The following MAP1A variants were observed in gnomAD, a reference collection of about 807,000 sequenced individuals.
MAP1A encodes the protein microtubule-associated protein 1A.
Under a neutral mutation model 185.9 loss-of-function variants are expected in MAP1A, and 42 were observed. The observed-to-expected ratio is 0.23, with a 90% CI of 0.18 to 0.29. The LOEUF (loss-of-function observed/expected upper bound fraction) is 0.29. MAP1A is among the 10% of genes least tolerant of loss of function. MAP1A has a pLI of 1.00. For synonymous variants in MAP1A, 1,229 were observed against 1,335.9 expected (o/e 0.92, Z 1.74); for missense variants, 2,995 against 3,450.4 (o/e 0.87, Z 3.31).
At position 43,529,315 on chromosome 15, in the gene MAP1A, G is replaced by A. The variant is rs752371666; in HGVS notation, c.7842G>A (p.Lys2614=). The change falls in exon 4 of 6, where the codon AAG becomes AAA. Residue 2614 remains lysine (K), a synonymous_variant. Transcript: ENST00000300231. This position sits in a 1 kb window ranked among gnomAD's most constrained non-coding sequence, Gnocchi z 4.3. The part of the protein sequence containing the change: ...RVGRRAPGKA[K]PASPARRLDL... The stretch of plus-strand genomic sequence containing the variant: ...GGCGCAGGGCCCCAGGCAAGGCCAA[G>A]CCAGCGTCCCCTGCACGGCGTCTGG... 3.7e-6 allele frequency: 6 copies of A among 1,614,036 alleles called. No homozygotes were observed. In the South Asian group the frequency reaches 6.6e-5, roughly 18 times the overall value.
At chr15:43,519,513 C>G (rs574252204) in intron 1 of MAP1A, among the ~76,000 whole-genome samples, 1 of 152,344 alleles carries the variant, frequency 6.6e-6, no homozygotes, top group East Asian at 1.9e-4. Context: ...CCAGTATCCT[C>G]CAGACAGCCC....
chr15:43,514,801 A>G (rs1471589527), upstream of MAP1A, among the ~76,000 whole-genome samples: 1 of 152,232 alleles, frequency 6.6e-6, no homozygotes, highest in Non-Finnish European at 1.5e-5. Flanking sequence ...TTCTAATACA[A>G]ATTCAGAAAC....
At position 43,528,855 on chromosome 15, in the gene MAP1A, T is replaced by C. The variant is rs8028849; in HGVS notation, c.7382T>C (p.Ile2461Thr). Residue 2461 changes from isoleucine (I) to threonine (T), a missense_variant, in exon 4 of 6, where the codon ATA becomes ACA. This residue lies in a region of MAP1A where 2,728 missense variants were observed against 2,986.0 expected (regional missense o/e 0.91). Coordinates refer to ENST00000300231, the MANE Select transcript of MAP1A (RefSeq NM_002373.6). ...CTGAACCCACCTCTGCCCCCATCCA[T>C]AGATGATAGGGACCTCTCAACTGAG... The part of the protein sequence containing the change: ...SFLNPPLPPS[I>T]DDRDLSTEEV... 19 of 1,612,876 alleles carry C rather than the reference T, an allele frequency of 1.2e-5. No individual in the cohort carries two copies. In the East Asian group the frequency reaches 1.8e-4, roughly 15 times the overall value.
intron 1 of MAP1A, 28 bp from the exon 2 acceptor site, chr15:43,520,613 A>G (rs756318822): frequency 7.3e-7 from 1 of 1,368,174 alleles, no homozygotes; most frequent in South Asian, 1.2e-5. Flanking sequence ...ACCTATTCTC[A>G]ATATAAATTC....
chr15:43,515,361 C>T (rs1029588027), upstream of MAP1A, among the ~76,000 whole-genome samples: 6 of 152,300 alleles, frequency 3.9e-5, no homozygotes, highest in Admixed American at 3.9e-4. Context: ...CTCATTAACC[C>T]CTGGAACCGG....
At chr15:43,515,027 A>G (rs1258965846), upstream of MAP1A, among the ~76,000 whole-genome samples, 1 of 152,064 alleles carries the variant, frequency 6.6e-6, no homozygotes, top group Non-Finnish European at 1.5e-5. Flanking sequence ...ACCAGCCTGG[A>G]CAACATGTTG....
At position 43,521,440 on chromosome 15, in the gene MAP1A, C is replaced by T; in HGVS notation, c.-34C>T. Reference sequence around the variant, plus strand: ...TATCCAGTTCCCAAGAGACCCTGCACCTCCGGCTAAACCCTGAGCCCACTC... The same window carrying T: ...TATCCAGTTCCCAAGAGACCCTGCATCTCCGGCTAAACCCTGAGCCCACTC... On this transcript the variant is annotated 5_prime_UTR_variant, in exon 4 of 6. Coordinates refer to ENST00000300231, the MANE Select transcript of MAP1A (RefSeq NM_002373.6). This position sits in a 1 kb window ranked among gnomAD's most constrained non-coding sequence, Gnocchi z 4.6. 6.2e-7 allele frequency: 1 copy of T among 1,614,130 alleles called. No individual in the cohort carries two copies. The highest frequency in any genetic ancestry group is 8.5e-7 in the Non-Finnish European group (1 of 1,180,026).
chr15:43,520,628 A>G lies in MAP1A; in HGVS notation c.-374-13A>G, dbSNP rs1001204238. 2.7e-6 allele frequency: 4 copies of G among 1,495,492 alleles called. No individual in the cohort carries two copies. The South Asian group carries it at 4.8e-5, about 18-fold the overall frequency. 92.6% of individuals were successfully genotyped at this position (1,495,492 alleles called of 1,614,324 possible). A position where few individuals can be genotyped will look rare whatever the true frequency, so the allele number is the denominator to read the frequency against. ...ACCTATTCTCAATATAAATTCCTACATCTCTCCCTCAGGCCAGAGGACCCT... is the reference window on the plus strand; with the variant it reads ...ACCTATTCTCAATATAAATTCCTACGTCTCTCCCTCAGGCCAGAGGACCCT... On this transcript the variant is annotated splice_polypyrimidine_tract_variant and intron_variant, in intron 1 of 5. Transcript: ENST00000300231.
chr15:43,522,515 G>T lies in MAP1A; in HGVS notation c.1042G>T (p.Ala348Ser), dbSNP rs1197365728. ...EEVVEEGAKE[A>S]RSELAKELAK... ...GGTGGTAGAAGAGGGAGCCAAGGAG[G>T]CACGTTCAGAGCTGGCCAAGGAGTT... Residue 348 changes from alanine to serine, a missense_variant, in exon 4 of 6, where the codon GCA (alanine) becomes TCA (serine). This residue lies in a region of MAP1A where 2,728 missense variants were observed against 2,986.0 expected (regional missense o/e 0.91). Coordinates refer to ENST00000300231, the MANE Select transcript of MAP1A (RefSeq NM_002373.6). The surrounding 1 kb of genome is among the most constrained non-coding windows in gnomAD (Gnocchi z 5.9). 1.9e-6 allele frequency: 3 copies of T among 1,613,400 alleles called. No individual in the cohort carries two copies. The highest frequency in any genetic ancestry group is 2.7e-5 in the African/African-American group (2 of 74,876).
chr15:43,526,136 T>C lies in MAP1A; in HGVS notation c.4663T>C (p.Tyr1555His). Residue 1555 changes from tyrosine (Y) to histidine (H), a missense_variant, in exon 4 of 6, where the codon TAC becomes CAC. Physicochemically the swap from Tyr to His is moderately conservative, Grantham distance 83. This residue lies in a region of MAP1A where 2,728 missense variants were observed against 2,986.0 expected (regional missense o/e 0.91). Coordinates refer to ENST00000300231, the MANE Select transcript of MAP1A (RefSeq NM_002373.6). This position sits in a 1 kb window ranked among gnomAD's most constrained non-coding sequence, Gnocchi z 4.7. ...GAAGGATCAGGCCTTAGAACAAAAA[T>C]ACTGGGCTTTGGGACAGAAGGATGA... is the stretch of plus-strand genomic sequence containing the variant. ...EKKDQALEQK[Y>H]WALGQKDEAL... 1.2e-6 allele frequency: 2 copies of C among 1,613,672 alleles called. No individual in the cohort carries two copies.
At position 43,517,698 on chromosome 15, in the gene MAP1A, A is replaced by G; in HGVS notation, c.-377A>G. The G allele has an allele frequency of 2.0e-6, 2 of 980,478 alleles. No homozygotes were observed. The highest frequency in any genetic ancestry group is 9.5e-5 in the South Asian group (2 of 21,162). The allele number at this position is 980,478 out of a possible 1,614,324, so 60.7% of individuals were successfully genotyped here. The stretch of plus-strand genomic sequence containing the variant: ...CATGAGAGGCTTCCTCCTACACCCC[A>G]GGGTAAGAACCGAACCAAAGGGCTT... On this transcript the variant is annotated splice_region_variant and 5_prime_UTR_variant, in exon 1 of 6. Transcript: ENST00000300231.
upstream of MAP1A, among the ~76,000 whole-genome samples, chr15:43,513,856 G>A (rs1362944410): frequency 2.6e-5 from 4 of 152,200 alleles, no homozygotes; most frequent in Non-Finnish European, 5.9e-5. Flanking sequence ...GCCAGATACA[G>A]GGATGACAGA....
rs867807615 is a variant in MAP1A, at chr15:43,525,192, T to C, written c.3719T>C (p.Leu1240Pro). ...CTTGGGAAGGAAGAAATGGGGCATC[T>C]GATGCAGGCCGAGGATACCTCTCAC... Reference protein sequence around the residue: ...LNLGKEEMGHLMQAEDTSHHT... With the variant: ...LNLGKEEMGHPMQAEDTSHHT... Residue 1240 changes from leucine to proline, a missense_variant, in exon 4 of 6, where the codon CTG becomes CCG. Transcript: ENST00000300231. The C allele has an allele frequency of 1.2e-6, 2 of 1,614,154 alleles. No individual in the cohort carries two copies. The highest frequency in any genetic ancestry group is 2.7e-5 in the African/African-American group (2 of 75,048).
chr15:43,520,979 A>T lies in MAP1A; in HGVS notation c.-284A>T. The T allele has an allele frequency of 6.5e-7, 1 of 1,549,956 alleles. No homozygotes were observed. Among genetic ancestry groups the T allele is most frequent in the Non-Finnish European group, 8.7e-7 (1 of 1,146,646 alleles). ...CCCCTTCTTCCATTCCAGGTTCATC[A>T]TCTTCTTAGCAGCTCATCAGCTTAT... On this transcript the variant is annotated 5_prime_UTR_variant, in exon 3 of 6. Transcript: ENST00000300231.
rs1184033908 is a variant in MAP1A at position 43,527,462 on chromosome 15, C to T, written c.5989C>T (p.Pro1997Ser). The change falls in exon 4 of 6, where the codon CCC becomes TCC. Residue 1997 changes from proline to serine, a missense_variant. Physicochemically the swap from Pro to Ser is moderately conservative, Grantham distance 74. This residue lies in a region of MAP1A where 2,728 missense variants were observed against 2,986.0 expected (regional missense o/e 0.91). Coordinates refer to ENST00000300231, the MANE Select transcript of MAP1A (RefSeq NM_002373.6). ...TCCACTTGGAGCAGCTGGGGATTGGCCCCCATGCCTCTCAACCAAGGAGGC... is the reference window on the plus strand; with the variant it reads ...TCCACTTGGAGCAGCTGGGGATTGGTCCCCATGCCTCTCAACCAAGGAGGC... ...EPPLGAAGDW[P>S]PCLSTKEAAA... The T allele has an allele frequency of 6.2e-7, 1 of 1,614,104 alleles. No individual in the cohort carries two copies. The highest frequency in any genetic ancestry group is 1.1e-5 in the South Asian group (1 of 91,082).
intron 1 of MAP1A, among the ~76,000 whole-genome samples, chr15:43,518,570 G>A (rs1230227035): frequency 1.3e-5 from 2 of 151,954 alleles, no homozygotes; most frequent in Admixed American, 6.6e-5. Context: ...GGGGGGTGGG[G>A]GCGGAGCTGG....
rs2079330254 is a variant in MAP1A, at chr15:43,523,778, C to T, written c.2305C>T (p.His769Tyr). Residue 769 changes from histidine to tyrosine, a missense_variant, in exon 4 of 6, where the codon CAT (histidine) becomes TAT (tyrosine). Around this residue, in one of 3 missense-constraint regions of MAP1A, gnomAD observed 2,728 missense variants for 2,986.0 expected, o/e 0.91. Transcript: ENST00000300231. Reference sequence around the variant, plus strand: ...GGAGCGCCCAGCTCCACCCAGATTTCATACAAGTACATATGACCTGCCCGG... The same window carrying T: ...GGAGCGCCCAGCTCCACCCAGATTTTATACAAGTACATATGACCTGCCCGG... The part of the protein sequence containing the change: ...PEERPAPPRF[H>Y]TSTYDLPGPE... 1 of 1,613,986 alleles carries T rather than the reference C, an allele frequency of 6.2e-7. No homozygotes were observed. Among genetic ancestry groups the T allele is most frequent in the Admixed American group, 1.7e-5 (1 of 60,004 alleles).
Position 43,530,095 on chromosome 15 carries a change from G to T in MAP1A, c.8283G>T (p.Thr2761=), listed in dbSNP as rs772567515. The change falls in exon 6 of 6, where the codon ACG becomes ACT. Residue 2761 remains threonine (T), a synonymous_variant. Transcript: ENST00000300231. ...LQVTLIPTHD[T]EVTREWYQQT... is the part of the protein sequence containing the mutation. ...TGACTCTGATCCCTACTCATGACAC[G>T]GAGGTGACTCGTGAGTGGTACCAAC... The T allele has an allele frequency of 6.2e-7, 1 of 1,614,154 alleles. No homozygotes were observed. The highest frequency in any genetic ancestry group is 2.2e-5 in the East Asian group (1 of 44,876).
intron 1 of MAP1A, among the ~76,000 whole-genome samples, chr15:43,519,838 G>T (rs975742596): frequency 6.6e-6 from 1 of 152,170 alleles, no homozygotes; most frequent in Non-Finnish European, 1.5e-5. Flanking sequence ...CCCTAGGAGC[G>T]GGGCAAAGAT....
Sources: gnomAD v4.1 joint callset for allele counts (sites outside exome capture counted in the v4.1 genomes callset) on GRCh38, gnomAD v4.1.1 for gene constraint, gnomAD v4.1.1 regional missense constraint, Gnocchi (gnomAD v3.1) non-coding constraint, MANE v1.5 for transcripts, NCBI Gene and HGNC (gene_info 2026-07-23, HGNC 2026-07-21) for gene names.